Variants in PLA2G5 observed in about 807,000 individuals in gnomAD.
The protein encoded by PLA2G5 is phospholipase A2 group V, also known as Ca2+-dependent phospholipase A2.
Under a neutral mutation model 15.9 loss-of-function variants are expected in PLA2G5, and 12 were observed. That is an observed-to-expected ratio of 0.76 (90% CI 0.48 to 1.23). The LOEUF (loss-of-function observed/expected upper bound fraction) is 1.23, where lower values mean the gene tolerates loss of function less well. PLA2G5 is among the 50% of genes most tolerant of loss of function. The pLI, the probability that PLA2G5 is intolerant of heterozygous loss-of-function variation, is 0.00. For synonymous variants in PLA2G5, 71 were observed against 71.4 expected (o/e 0.99, Z 0.03); for missense variants, 169 against 177.1 (o/e 0.95, Z 0.26).
chr1:20,045,567 A>G (rs78218873), intron 1 of PLA2G5, among the ~76,000 whole-genome samples: 5 of 151,402 alleles, frequency 3.3e-5, no homozygotes, highest in South Asian at 4.2e-4. Context: ...GGGTGGCACC[A>G]AAATTGAAAG....
intron 1 of PLA2G5, among the ~76,000 whole-genome samples, chr1:20,081,763 C>G (rs2016041713): frequency 6.6e-6 from 1 of 151,802 alleles, no homozygotes; most frequent in Non-Finnish European, 1.5e-5. Flanking sequence ...ATCCTCAGGT[C>G]TTGCCTCCTC....
At chr1:20,053,189 T>G (rs1440777785) in intron 1 of PLA2G5, among the ~76,000 whole-genome samples, 1 of 152,214 alleles carries the variant, frequency 6.6e-6, no homozygotes, top group Non-Finnish European at 1.5e-5. Context: ...ATATTCAGGT[T>G]TCACAATTCT....
chr1:20,034,636 A>G (rs2013150140), intron 1 of PLA2G5, among the ~76,000 whole-genome samples: 2 of 152,158 alleles, frequency 1.3e-5, no homozygotes, highest in Admixed American at 1.3e-4. Context: ...GGCTGGGTTA[A>G]GGGGATATTG....
At chr1:20,032,489 C>T (rs1193065121) in intron 1 of PLA2G5, among the ~76,000 whole-genome samples, 2 of 151,918 alleles carry the variant, frequency 1.3e-5, no homozygotes, top group Non-Finnish European at 2.9e-5. Context: ...CTTGCCCTGG[C>T]AGGTGTCTTC....
At chr1:20,071,970 TG>T (rs548010736) in intron 1 of PLA2G5, among the ~76,000 whole-genome samples, 50 of 152,220 alleles carry the variant, frequency 3.3e-4, no homozygotes, top group Admixed American at 5.2e-4. Context: ...TAGCCAGGTA[TG>T]ATGGTGCACA....
intron 1 of PLA2G5, among the ~76,000 whole-genome samples, chr1:20,045,171 G>A (rs1243395759): frequency 6.6e-6 from 1 of 152,160 alleles, no homozygotes; most frequent in Non-Finnish European, 1.5e-5. Context: ...GAGTTGAAGA[G>A]GTTTTAAGTG....
intron 2 of PLA2G5, among the ~76,000 whole-genome samples, chr1:20,060,247 C>CTT (rs71585739): frequency 0.01 from 848 of 83,684 alleles, 1 homozygote; most frequent in Non-Finnish European, 0.013. Flanking sequence ...CTTTTTTCTT[C>CTT]TTTTTTTTTT....
At position 20,091,012 on chromosome 1, in the gene PLA2G5, G is replaced by A. The variant is rs575242155; in HGVS notation, c.*320G>A. On this transcript the variant is annotated 3_prime_UTR_variant, in exon 5 of 5. Coordinates refer to ENST00000375108, the MANE Select transcript of PLA2G5 (RefSeq NM_000929.3). ...TGAAGACAGCGTCCTGGCTCCAGTT[G>A]GAACACTTTCCTGAGATGCACTTAC... 8.1e-6 allele frequency: 2 copies of A among 247,716 alleles called. No individual in the cohort carries two copies. Among genetic ancestry groups the A allele is most frequent in the Non-Finnish European group, 7.8e-6 (1 of 128,108 alleles). 15.3% of individuals were successfully genotyped at this position (247,716 alleles called of 1,614,324 possible). A position where few individuals can be genotyped will look rare whatever the true frequency, so the allele number is the denominator to read the frequency against.
intron 1 of PLA2G5, among the ~76,000 whole-genome samples, chr1:20,028,910 A>G (rs949130864): frequency 1.3e-5 from 2 of 152,194 alleles, no homozygotes; most frequent in Non-Finnish European, 2.9e-5. Context: ...CTAGGGGAGC[A>G]TACAGATGGG....
chr1:20,050,790 T>C (rs2014143242), intron 1 of PLA2G5, among the ~76,000 whole-genome samples: 1 of 152,166 alleles, frequency 6.6e-6, no homozygotes, highest in Admixed American at 6.5e-5. Context: ...TATCAAGTGT[T>C]TTAAAGCTTT....
chr1:20,056,080 T>C (rs1317436589), intron 1 of PLA2G5, among the ~76,000 whole-genome samples: 2 of 152,204 alleles, frequency 1.3e-5, no homozygotes, highest in African/African-American at 4.8e-5. Flanking sequence ...TGCATTTCCC[T>C]TTCCCTCTTT....
At chr1:20,057,763 T>C (rs1185430262) in intron 1 of PLA2G5, among the ~76,000 whole-genome samples, 1 of 152,194 alleles carries the variant, frequency 6.6e-6, no homozygotes, top group East Asian at 1.9e-4. Flanking sequence ...CCTCTCAAAG[T>C]GCTGGGATTA....
intron 2 of PLA2G5, among the ~76,000 whole-genome samples, chr1:20,064,080 G>A (rs1350791589): frequency 6.6e-6 from 1 of 152,138 alleles, no homozygotes; most frequent in African/African-American, 2.4e-5. Context: ...CTTTCGCTGA[G>A]TTTCACTTGG....
intron 1 of PLA2G5, among the ~76,000 whole-genome samples, chr1:20,078,448 A>C (rs1290806981): frequency 1.3e-5 from 2 of 151,990 alleles, no homozygotes; most frequent in Admixed American, 1.3e-4. Flanking sequence ...AAACTGGTTG[A>C]GAAGAAGAAA....
intron 1 of PLA2G5, among the ~76,000 whole-genome samples, chr1:20,079,711 G>C (rs1168628582): frequency 1.3e-5 from 2 of 152,106 alleles, no homozygotes; most frequent in African/African-American, 4.8e-5. Context: ...CTCTGGGTTT[G>C]GAGGGGCTCA....
At chr1:20,080,247 T>G (rs895560038) in intron 1 of PLA2G5, among the ~76,000 whole-genome samples, 2 of 152,022 alleles carry the variant, frequency 1.3e-5, no homozygotes, top group African/African-American at 4.8e-5. Flanking sequence ...TGGCCCAAGC[T>G]CAACTCTGAT....
intron 1 of PLA2G5, among the ~76,000 whole-genome samples, chr1:20,038,410 G>A (rs539593640): frequency 4.6e-5 from 7 of 152,130 alleles, no homozygotes; most frequent in African/African-American, 9.7e-5. Flanking sequence ...GTGAGACAAC[G>A]TCAGAAATGG....
intron 1 of PLA2G5, among the ~76,000 whole-genome samples, chr1:20,076,589 G>A (rs1032409170): frequency 6.0e-5 from 9 of 150,474 alleles, no homozygotes; most frequent in African/African-American, 2.2e-4. Flanking sequence ...CTGCCCCTCT[G>A]TTTCCTTGCT....
chr1:20,087,543 A>G (rs1404968125), intron 3 of PLA2G5, among the ~76,000 whole-genome samples: 1 of 150,770 alleles, frequency 6.6e-6, no homozygotes, highest in African/African-American at 2.4e-5. Flanking sequence ...TTTTTTTTTT[A>G]TACACATGGG....
Sources: allele counts gnomAD v4.1 joint callset (sites outside exome capture counted in the v4.1 genomes callset), GRCh38; gene constraint gnomAD v4.1.1; transcripts MANE v1.5; gene names NCBI Gene and HGNC (gene_info 2026-07-23, HGNC 2026-07-21).